KLHL32: variants seen among roughly 807,000 people sequenced by gnomAD.
The protein encoded by KLHL32 is kelch-like protein 32.
In KLHL32, 35 loss-of-function variants were observed where a neutral mutation model predicts 64.8. That is an observed-to-expected ratio of 0.54 (90% CI 0.41 to 0.72). KLHL32 has a LOEUF of 0.72. Among genes scored for constraint, KLHL32 ranks in the 30% least tolerant of loss-of-function variants. KLHL32 has a pLI of 0.00. For missense variants in KLHL32, 589 were observed against 768.5 expected (o/e 0.77, Z 2.76); for synonymous variants, 259 against 281.0 (o/e 0.92, Z 0.78).
In KLHL32 at chr6:97,114,186, T is replaced by C. The variant is rs1797562620; in HGVS notation, c.1031T>C (p.Met344Thr). The C allele has an allele frequency of 2.5e-6, 4 of 1,614,146 alleles. No homozygotes were observed. Among genetic ancestry groups the C allele is most frequent in the Non-Finnish European group, 3.4e-6 (4 of 1,180,020 alleles). The change falls in exon 7 of 11, where the codon ATG becomes ACG. Residue 344 changes from methionine to threonine, a missense_variant. Met to Thr is a moderately conservative substitution (Grantham distance 81). This residue lies in a region of KLHL32 where 226 missense variants were observed against 353.2 expected (regional missense o/e 0.64). Transcript: ENST00000369261. ...AGGAGCCACCATTGTGTGGCAGTCATGGGGGACTTCCTGTTTGTGGCAGGA... is the reference window on the plus strand; with the variant it reads ...AGGAGCCACCATTGTGTGGCAGTCACGGGGGACTTCCTGTTTGTGGCAGGA... The part of the protein sequence containing the change: ...VGRSHHCVAV[M>T]GDFLFVAGGE...
intron 3 of KLHL32, among the ~76,000 whole-genome samples, chr6:97,009,559 A>G (rs73499051): frequency 0.086 from 13,112 of 152,196 alleles, 1,196 homozygotes; most frequent in Admixed American, 0.22. Context: ...TGCATGCGAG[A>G]TGTTCCTTTG....
intron 3 of KLHL32, among the ~76,000 whole-genome samples, chr6:97,019,013 G>A (rs758317646): frequency 3.3e-5 from 5 of 152,126 alleles, no homozygotes; most frequent in African/African-American, 1.2e-4. Flanking sequence ...TGATAGTTAA[G>A]TAGGTTGTTC....
intron 3 of KLHL32, chr6:97,010,140 AAAAAAAAAAAAGT>A (rs1780197555): frequency 6.6e-6 from 1 of 151,704 alleles, no homozygotes; most frequent in Non-Finnish European, 1.5e-5. Flanking sequence ...AAAAAAAAAA[AAAAAAAAAAAAGT>A]GAGCATACAG....
chr6:97,060,145 T>C (rs1394487517), intron 4 of KLHL32, among the ~76,000 whole-genome samples: 1 of 151,698 alleles, frequency 6.6e-6, no homozygotes. Flanking sequence ...AATTAAAAAA[T>C]CTCCTTATGC....
intron 3 of KLHL32, among the ~76,000 whole-genome samples, chr6:97,009,166 A>T (rs985546146): frequency 4.0e-5 from 6 of 151,276 alleles, no homozygotes; most frequent in Non-Finnish European, 8.8e-5. Flanking sequence ...AACATACTAG[A>T]TGTTAAACTG....
At chr6:96,947,083 C>T (rs1271902330) in intron 1 of KLHL32, among the ~76,000 whole-genome samples, 1 of 152,172 alleles carries the variant, frequency 6.6e-6, no homozygotes, top group Non-Finnish European at 1.5e-5. Context: ...GAGACGGCTC[C>T]AGCACCTTGG....
At chr6:96,941,910 T>C (rs1008347908) in intron 1 of KLHL32, among the ~76,000 whole-genome samples, 2 of 152,212 alleles carry the variant, frequency 1.3e-5, no homozygotes, top group Admixed American at 1.3e-4. Context: ...CCATAACTTT[T>C]TGAGAATCAA....
At chr6:97,058,378 G>T (rs1396049148) in intron 4 of KLHL32, among the ~76,000 whole-genome samples, 1 of 152,114 alleles carries the variant, frequency 6.6e-6, no homozygotes, top group African/African-American at 2.4e-5. Flanking sequence ...ACAGACATGG[G>T]CCATCTTTCC....
intron 4 of KLHL32, among the ~76,000 whole-genome samples, chr6:97,052,842 G>A (rs1432078745): frequency 6.6e-6 from 1 of 152,074 alleles, no homozygotes; most frequent in Non-Finnish European, 1.5e-5. Context: ...CACTTTTTAT[G>A]CAATGTTCTA....
At chr6:97,120,054 G>A (rs938121222) in intron 7 of KLHL32, among the ~76,000 whole-genome samples, 25 of 151,974 alleles carry the variant, frequency 1.6e-4, no homozygotes, top group Admixed American at 1.5e-3. Context: ...GGTGTAGGGA[G>A]GAGGGGCATC....
intron 1 of KLHL32, among the ~76,000 whole-genome samples, chr6:96,943,708 G>A (rs1771604737): frequency 6.6e-6 from 1 of 152,160 alleles, no homozygotes; most frequent in Admixed American, 6.5e-5. Flanking sequence ...CATTTCATAA[G>A]CCTTCACTGC....
intron 5 of KLHL32, among the ~76,000 whole-genome samples, chr6:97,084,005 G>A (rs1793003921): frequency 6.6e-6 from 1 of 152,144 alleles, no homozygotes; most frequent in African/African-American, 2.4e-5. Flanking sequence ...CATTGCCTTG[G>A]GGTGAGTTTT....
intron 6 of KLHL32, among the ~76,000 whole-genome samples, chr6:97,096,104 G>C (rs997116830): frequency 3.3e-5 from 5 of 152,016 alleles, no homozygotes; most frequent in African/African-American, 7.2e-5. Flanking sequence ...TACCTTATTA[G>C]TTATATACCC....
At chr6:97,121,225 G>A (rs1486521285) in intron 7 of KLHL32, among the ~76,000 whole-genome samples, 1 of 152,130 alleles carries the variant, frequency 6.6e-6, no homozygotes, top group African/African-American at 2.4e-5. Context: ...CTGTGTCTCT[G>A]GTTCTTTAGA....
Position 96,976,032 on chromosome 6 carries a change from A to G in KLHL32, c.59A>G (p.His20Arg). 6.3e-7 allele frequency: 1 copy of G among 1,592,842 alleles called. No homozygotes were observed. Among genetic ancestry groups the G allele is most frequent in the South Asian group, 1.1e-5 (1 of 89,504 alleles). ...ATGCTGACAGGCCAGAGGCTCTGCC[A>G]CTCCGAATCTCACAATGACAGTGTC... ...QEMLTGQRLC[H>R]SESHNDSVLA... Residue 20 changes from histidine (H) to arginine (R), a missense_variant, in exon 3 of 11, where the codon CAC becomes CGC. Coordinates refer to ENST00000369261, the MANE Select transcript of KLHL32 (RefSeq NM_052904.4).
the KLHL32 span, among the ~76,000 whole-genome samples, chr6:96,916,811 A>G: frequency 3.3e-5 from 5 of 152,212 alleles, no homozygotes; most frequent in Non-Finnish European, 7.3e-5. Context: ...GACCCAGATT[A>G]TATACTATTT....
intron 5 of KLHL32, among the ~76,000 whole-genome samples, chr6:97,084,189 A>AT (rs1161426606): frequency 6.6e-6 from 1 of 152,220 alleles, no homozygotes; most frequent in Non-Finnish European, 1.5e-5. Flanking sequence ...TCCTCAAGTT[A>AT]TTGGAAAACT....
Position 97,041,533 on chromosome 6 carries a change from G to C in KLHL32, c.246G>C (p.Glu82Asp). 1.2e-6 allele frequency: 2 copies of C among 1,613,932 alleles called. No homozygotes were observed. The highest frequency in any genetic ancestry group is 1.7e-6 in the Non-Finnish European group (2 of 1,179,850). ...SLCMVESGAD[E>D]VNLHGVTSLG... is the part of the protein sequence containing the mutation. ...GTATGGTGGAAAGTGGAGCTGATGA[G>C]GTTAATTTGCACGGTGTGACCAGCC... Residue 82 changes from glutamate (E) to aspartate (D), a missense_variant, in exon 4 of 11, where the codon GAG becomes GAC. Transcript: ENST00000369261.
chr6:97,009,491 G>A (rs755127567), intron 3 of KLHL32, among the ~76,000 whole-genome samples: 1 of 152,142 alleles, frequency 6.6e-6, no homozygotes, highest in Non-Finnish European at 1.5e-5. Context: ...ATTTGCAATA[G>A]AGCACTTGTA....
Sources: gnomAD v4.1 joint callset for allele counts (sites outside exome capture counted in the v4.1 genomes callset) on GRCh38, gnomAD v4.1.1 for gene constraint, gnomAD v4.1.1 regional missense constraint, MANE v1.5 for transcripts, NCBI Gene and HGNC (gene_info 2026-07-23, HGNC 2026-07-21) for gene names.